The following DDX60 variants were observed in gnomAD, a reference collection of about 807,000 sequenced individuals.
The protein encoded by DDX60 is probable ATP-dependent RNA helicase DDX60.
Under a neutral mutation model 212.8 loss-of-function variants are expected in DDX60, and 165 were observed. The ratio of observed to expected loss-of-function variants is 0.78; its 90% CI spans 0.68 to 0.88. The LOEUF is 0.88. Among genes scored for constraint, DDX60 ranks in the 40% least tolerant of loss-of-function variants. The pLI is 0.00. For missense variants in DDX60, 1,905 were observed against 2,003.9 expected (o/e 0.95, Z 0.94); for synonymous variants, 703 against 685.3 (o/e 1.03, Z -0.40).
intron 16 of DDX60, 106 bp downstream of exon 16, chr4:168,275,239 A>G: frequency 9.5e-7 from 1 of 1,051,800 alleles, no homozygotes. Context: ...GTATCTTTAA[A>G]TGACATGAAC....
intron 30 of DDX60, among the ~76,000 whole-genome samples, chr4:168,239,703 T>C (rs1261092831): frequency 6.6e-6 from 1 of 152,068 alleles, no homozygotes; most frequent in Non-Finnish European, 1.5e-5. Flanking sequence ...GCAAGAGCCA[T>C]GGTCCTCAGA....
At chr4:168,231,413 A>C (rs1733450323) in intron 33 of DDX60, among the ~76,000 whole-genome samples, 1 of 151,742 alleles carries the variant, frequency 6.6e-6, no homozygotes, top group African/African-American at 2.4e-5. Flanking sequence ...AAAAAAAAAG[A>C]AAGAAAACTA....
intron 6 of DDX60, among the ~76,000 whole-genome samples, chr4:168,297,355 AAAGAAAGAAAGAAAGAAAG>A (rs1236905796): frequency 1.3e-5 from 1 of 77,012 alleles, no homozygotes; most frequent in Non-Finnish European, 2.4e-5. Flanking sequence ...AGAAAGAAAG[AAAGAAAGAAAGAAAGAAAG>A]AAAGAAAGAG....
Position 168,303,589 on chromosome 4 carries a change from CTAGTGATGTCA to C in DDX60, c.607-1184_607-1174del, listed in dbSNP as rs1304993498. On this transcript the variant is annotated intron_variant, in intron 5 of 37. Coordinates refer to ENST00000393743, the MANE Select transcript of DDX60 (RefSeq NM_017631.6). ...AATGGAGCTGAAAAATTTCTACTGC[CTAGTGATGTCA>C]TAGTGATGTCATAACACCACAGTGC... Among the ~76,000 whole-genome samples the C allele has an allele frequency of 2.0e-5, 3 of 152,164 alleles. No individual in the cohort carries two copies. The East Asian group carries it at 5.8e-4, about 29-fold the overall frequency.
chr4:168,286,908 G>A (rs1735885955), intron 10 of DDX60, 140 bp downstream of exon 10: 4 of 606,312 alleles, frequency 6.6e-6, no homozygotes, highest in Non-Finnish European at 1.1e-5. Context: ...AAGGATATAA[G>A]AATAAAGGTA....
Position 168,277,564 on chromosome 4 carries a change from G to A in DDX60, c.1979-1383C>T, listed in dbSNP as rs540304049. 4.9e-4 allele frequency among the ~76,000 whole-genome samples: 75 copies of A among 152,136 alleles called. 2 individuals are homozygous for A. The South Asian group carries it at 0.014, about 29-fold the overall frequency. ...ATTAAATGAAAATTCCAGGCCGGGC[G>A]CAGTGGCTCACACCCGTAATCCCAG... is the stretch of plus-strand genomic sequence containing the variant. On this transcript the variant is annotated intron_variant, in intron 14 of 37. Transcript: ENST00000393743.
chr4:168,281,634 C>A (rs1415836675), intron 13 of DDX60, among the ~76,000 whole-genome samples: 3 of 152,172 alleles, frequency 2.0e-5, no homozygotes, highest in African/African-American at 4.8e-5. Flanking sequence ...CCCACTTTTA[C>A]TATGCTTTTA....
At chr4:168,259,657 T>C (rs568331193) in intron 25 of DDX60, among the ~76,000 whole-genome samples, 1 of 151,002 alleles carries the variant, frequency 6.6e-6, no homozygotes, top group South Asian at 2.1e-4. Context: ...GAGTATTGTG[T>C]TCTAGTCCCA....
chr4:168,292,049 C>CCTTTT (rs1553970663), intron 7 of DDX60, 143 bp from the exon 8 acceptor site: 68 of 303,562 alleles, frequency 2.2e-4, no homozygotes, highest in Middle Eastern at 9.0e-4. Context: ...TTCTTTCTTT[C>CCTTTT]TTTTTTTTTT....
Position 168,252,514 on chromosome 4 carries a change from T to C in DDX60, c.3700A>G (p.Thr1234Ala). The C allele has an allele frequency of 1.2e-6, 2 of 1,613,646 alleles. No individual in the cohort carries two copies. The highest frequency in any genetic ancestry group is 2.7e-5 in the African/African-American group (2 of 75,032). ...ATCAGGTTGTAAGTGCTGACCTCAG[T>C]GTCCACTGCTTTTTGATCAGCATAT... ...CTYADQKAVDTETLQKVFGRV... is the reference protein window; with the variant it reads ...CTYADQKAVDAETLQKVFGRV... The change falls in exon 27 of 38, where the codon ACT becomes GCT. Residue 1234 changes from threonine to alanine, a missense_variant. Thr to Ala is a moderately conservative substitution (Grantham distance 58, BLOSUM62 0). Coordinates refer to ENST00000393743, the MANE Select transcript of DDX60 (RefSeq NM_017631.6).
At chr4:168,280,303 A>G (rs1438749410) in intron 14 of DDX60, 32 bp downstream of exon 14, 8 of 1,574,942 alleles carry the variant, frequency 5.1e-6, no homozygotes, top group South Asian at 2.4e-5. Context: ...TAATTCTCCA[A>G]CTCACCGAAA....
chr4:168,233,079 T>C (rs994380107), intron 33 of DDX60, among the ~76,000 whole-genome samples: 2 of 152,012 alleles, frequency 1.3e-5, no homozygotes, highest in East Asian at 1.9e-4. Flanking sequence ...AAAGAAAATA[T>C]ATAAATGGCC....
chr4:168,275,946 T>C (rs1735315880), intron 15 of DDX60, 69 bp downstream of exon 15: 1 of 1,334,574 alleles, frequency 7.5e-7, no homozygotes, highest in Non-Finnish European at 9.9e-7. Flanking sequence ...GAGATGACTA[T>C]CTTTGCAAAA....
chr4:168,231,711 G>C (rs775547872), intron 33 of DDX60, among the ~76,000 whole-genome samples: 2 of 151,790 alleles, frequency 1.3e-5, no homozygotes, highest in Non-Finnish European at 2.9e-5. Context: ...AAAGGACATA[G>C]CTTAAGGTAA....
chr4:168,300,139 C>T (rs973846881), intron 6 of DDX60, among the ~76,000 whole-genome samples: 5 of 128,946 alleles, frequency 3.9e-5, no homozygotes, highest in South Asian at 2.5e-4. Flanking sequence ...TGCTTCAATA[C>T]AGGGAAAATC....
In DDX60 at chr4:168,246,619, C is replaced by T; in HGVS notation, c.3964-1G>A. ...CTCTTCTTCCAGCACGGCCAGACAT[C>T]TGAAAAGAGAATAGAATTACAATGT... On this transcript the variant is annotated splice_acceptor_variant, in intron 29 of 37. Coordinates refer to ENST00000393743, the MANE Select transcript of DDX60 (RefSeq NM_017631.6). LOFTEE classifies it high-confidence loss of function. 1 of 1,613,888 alleles carries T rather than the reference C, an allele frequency of 6.2e-7. No homozygotes were observed. Among genetic ancestry groups the T allele is most frequent in the Non-Finnish European group, 8.5e-7 (1 of 1,179,890 alleles).
intron 8 of DDX60, among the ~76,000 whole-genome samples, chr4:168,288,774 C>A (rs1735969535): frequency 6.6e-6 from 1 of 152,194 alleles, no homozygotes; most frequent in South Asian, 2.1e-4. Context: ...TTAAGATTCC[C>A]ATCCACCTAC....
At position 168,309,862 on chromosome 4, in the gene DDX60, G is replaced by C. The variant is rs192855709; in HGVS notation, c.74+1136C>G. 2.6e-3 allele frequency among the ~76,000 whole-genome samples: 394 copies of C among 152,238 alleles called. 1 individual carries two copies. The highest frequency in any genetic ancestry group is 4.5e-3 in the Non-Finnish European group (309 of 67,994). On this transcript the variant is annotated intron_variant, in intron 3 of 37. Coordinates refer to ENST00000393743, the MANE Select transcript of DDX60 (RefSeq NM_017631.6). ...ATATTTATTAGTACAAAACAAAAGT[G>C]AGCACCAGGATTTAGAGCAGGAAGG... is the stretch of plus-strand genomic sequence containing the variant.
At chr4:168,235,814 T>G (rs1486547281) in intron 33 of DDX60, among the ~76,000 whole-genome samples, 1 of 152,076 alleles carries the variant, frequency 6.6e-6, no homozygotes, top group Non-Finnish European at 1.5e-5. Flanking sequence ...AATGATTTCT[T>G]AGATGACTAT....
Sources: allele counts gnomAD v4.1 joint callset (sites outside exome capture counted in the v4.1 genomes callset), GRCh38; gene constraint gnomAD v4.1.1; transcripts MANE v1.5; gene names NCBI Gene and HGNC (gene_info 2026-07-23, HGNC 2026-07-21).